The following MIDEAS variants were observed in gnomAD, a reference collection of about 807,000 sequenced individuals.
MIDEAS encodes mitotic deacetylase-associated SANT domain protein.
MIDEAS carries 26 observed loss-of-function variants against 102.7 expected under a neutral mutation model. That is an observed-to-expected ratio of 0.25 (90% CI 0.19 to 0.35). The LOEUF is 0.35. MIDEAS is among the 10% of genes least tolerant of loss of function. MIDEAS has a pLI of 1.00. For synonymous variants in MIDEAS, 585 were observed against 591.0 expected (o/e 0.99, Z 0.15); for missense variants, 1,231 against 1,435.6 (o/e 0.86, Z 2.30).
intron 1 of MIDEAS, among the ~76,000 whole-genome samples, chr14:73,770,799 T>C (rs2053635802): frequency 1.3e-5 from 2 of 152,032 alleles, no homozygotes; most frequent in Non-Finnish European, 2.9e-5. Context: ...GTTTCAAGCT[T>C]CAAAAAACCG....
upstream of MIDEAS, among the ~76,000 whole-genome samples, chr14:73,788,548 A>G (rs1012413953): frequency 6.6e-6 from 1 of 152,212 alleles, no homozygotes; most frequent in African/African-American, 2.4e-5. Flanking sequence ...AGCAACATGA[A>G]ATCCTCCACG....
At chr14:73,726,532 C>G (rs898147969) in intron 7 of MIDEAS, 72 bp downstream of exon 7, 3 of 1,433,820 alleles carry the variant, frequency 2.1e-6, no homozygotes, top group African/African-American at 1.4e-5. Context: ...AGCCATAGGT[C>G]CTGAGCAGCA....
chr14:73,764,950 G>A (rs759121831), upstream of MIDEAS, among the ~76,000 whole-genome samples: 1 of 152,228 alleles, frequency 6.6e-6, no homozygotes, highest in South Asian at 2.1e-4. Context: ...TGGGAGAGAC[G>A]TCTGGCCGGG....
At chr14:73,780,154 G>A (rs577233997) in intron 1 of MIDEAS, among the ~76,000 whole-genome samples, 293 of 149,028 alleles carry the variant, frequency 2.0e-3, no homozygotes, top group African/African-American at 6.5e-3. Flanking sequence ...GATTACAGGC[G>A]TGAGCCACCG....
At chr14:73,772,821 G>GTGTA (rs1555345951) in intron 1 of MIDEAS, among the ~76,000 whole-genome samples, 1 of 143,900 alleles carries the variant, frequency 6.9e-6, no homozygotes, top group Non-Finnish European at 1.6e-5. Context: ...GTGTGTGTGT[G>GTGTA]TGTGTGTGTG....
At chr14:73,777,788 T>TAA (rs2053704989) in intron 1 of MIDEAS, among the ~76,000 whole-genome samples, 1 of 151,922 alleles carries the variant, frequency 6.6e-6, no homozygotes, top group East Asian at 1.9e-4. Flanking sequence ...CTGACATGCC[T>TAA]CTCTCTCCTG....
intron 5 of MIDEAS, chr14:73,727,226 A>T: frequency 1.6e-6 from 1 of 626,684 alleles, no homozygotes; most frequent in Non-Finnish European, 2.8e-6. Context: ...CCCCCCTTTC[A>T]ACTCTCCTAG....
At chr14:73,761,480 AGAG>A (rs572740930), upstream of MIDEAS, among the ~76,000 whole-genome samples, 56 of 152,344 alleles carry the variant, frequency 3.7e-4, no homozygotes, top group African/African-American at 1.3e-3. Flanking sequence ...CACCTCCCCA[AGAG>A]GAGAAGGGCT....
At chr14:73,769,726 C>T (rs1297079931) in intron 1 of MIDEAS, among the ~76,000 whole-genome samples, 3 of 152,034 alleles carry the variant, frequency 2.0e-5, no homozygotes, top group South Asian at 2.1e-4. Flanking sequence ...CTCAGCCTCC[C>T]GAGTAACTGG....
At chr14:73,744,300 T>G (rs757591699) in intron 1 of MIDEAS, among the ~76,000 whole-genome samples, 6 of 152,206 alleles carry the variant, frequency 3.9e-5, no homozygotes, top group Non-Finnish European at 7.4e-5. Context: ...CTGTGGCCAC[T>G]GTGGGACCAG....
At chr14:73,747,955 C>T (rs756670163) in intron 1 of MIDEAS, among the ~76,000 whole-genome samples, 8 of 152,150 alleles carry the variant, frequency 5.3e-5, no homozygotes, top group Non-Finnish European at 7.4e-5. Context: ...GCTCTTACCA[C>T]GCCTGGGACC....
At chr14:73,732,484 C>G (rs2053150699) in intron 3 of MIDEAS, among the ~76,000 whole-genome samples, 1 of 152,144 alleles carries the variant, frequency 6.6e-6, no homozygotes, top group Non-Finnish European at 1.5e-5. Context: ...AAGGAACTGA[C>G]ACAATAAAAA....
At chr14:73,731,384 AC>A (rs1203084070) in intron 3 of MIDEAS, among the ~76,000 whole-genome samples, 2 of 151,876 alleles carry the variant, frequency 1.3e-5, no homozygotes, top group Admixed American at 6.6e-5. Context: ...CATGTCCTTC[AC>A]CCATCTGTGC....
In MIDEAS at chr14:73,739,087, G is replaced by T. The variant is rs370627322; in HGVS notation, c.922C>A (p.Pro308Thr). The change falls in exon 2 of 13, where the codon CCC (proline) becomes ACC (threonine). Residue 308 changes from proline (P) to threonine (T), a missense_variant. Physicochemically the swap from Pro to Thr is conservative, Grantham distance 38. Around this residue, in one of 5 missense-constraint regions of MIDEAS, gnomAD observed 758 missense variants for 856.0 expected, o/e 0.89. Coordinates refer to ENST00000423556, the MANE Select transcript of MIDEAS (RefSeq NM_001367710.1). ...TCTGGGTTGGGGGGGAAGGGGTAGG[G>T]TGCCATGCTGTGGTGAGCCAGGTGG... Reference protein sequence around the residue: ...QSHLAHHSMAPYPFPPNPDMN... With the variant: ...QSHLAHHSMATYPFPPNPDMN... 191 of 1,591,496 alleles carry T rather than the reference G, an allele frequency of 1.2e-4. 1 individual carries two copies. In the South Asian group the frequency reaches 2.0e-3, roughly 17 times the overall value.
chr14:73,721,222 T>C (rs767175303), intron 11 of MIDEAS, 75 bp downstream of exon 11: 15 of 1,391,994 alleles, frequency 1.1e-5, no homozygotes, highest in Non-Finnish European at 1.5e-5. Flanking sequence ...AGTCCTGCTC[T>C]ACCCTCCCTC....
At chr14:73,741,003 T>C (rs1241307799) in intron 1 of MIDEAS, among the ~76,000 whole-genome samples, 1 of 152,212 alleles carries the variant, frequency 6.6e-6, no homozygotes, top group Admixed American at 6.5e-5. Context: ...TGCCAGAGTC[T>C]TTCCCAAACT....
At chr14:73,767,274 G>T (rs1420288299) in intron 1 of MIDEAS, among the ~76,000 whole-genome samples, 3 of 152,142 alleles carry the variant, frequency 2.0e-5, no homozygotes, top group African/African-American at 7.2e-5. Context: ...AAATTCTGAG[G>T]CCTGCACTGC....
At chr14:73,782,148 G>C (rs558740864) in intron 1 of MIDEAS, among the ~76,000 whole-genome samples, 102 of 152,232 alleles carry the variant, frequency 6.7e-4, no homozygotes, top group African/African-American at 2.4e-3. Flanking sequence ...AAAAAAGAAA[G>C]AATCTGGCTT....
chr14:73,726,198 G>T, intron 7 of MIDEAS, 90 bp from the exon 8 acceptor site: 1 of 1,049,258 alleles, frequency 9.5e-7, no homozygotes, highest in South Asian at 1.4e-5. Flanking sequence ...TCCCGAGTAG[G>T]GTGGACACTT....
Sources: gnomAD v4.1 joint callset for allele counts (sites outside exome capture counted in the v4.1 genomes callset) on GRCh38, gnomAD v4.1.1 for gene constraint, gnomAD v4.1.1 regional missense constraint, MANE v1.5 for transcripts, NCBI Gene and HGNC (gene_info 2026-07-23, HGNC 2026-07-21) for gene names.